Variants in GAN observed in about 807,000 individuals in gnomAD.
GAN encodes the protein gigaxonin.
Under a neutral mutation model 71.3 loss-of-function variants are expected in GAN, and 48 were observed. That is an observed-to-expected ratio of 0.67 (90% CI 0.53 to 0.86). GAN has a LOEUF of 0.86. GAN is among the 40% of genes least tolerant of loss of function. The pLI is 0.00. For missense variants in GAN, 928 were observed against 770.1 expected (o/e 1.21, Z -2.43); for synonymous variants, 386 against 276.8 (o/e 1.39, Z -3.92).
At position 81,358,038 on chromosome 16, in the gene GAN, C is replaced by G. The variant is rs577403513; in HGVS notation, c.973+107C>G. 8.2e-6 allele frequency: 8 copies of G among 974,676 alleles called. No homozygotes were observed. The Admixed American group carries it at 9.5e-5, about 12-fold the overall frequency. The allele number at this position is 974,676 out of a possible 1,614,324, so 60.4% of individuals were successfully genotyped here. On this transcript the variant is annotated intron_variant, in intron 5 of 10. Transcript: ENST00000648994. ...TTTTAAAGATACAATTTTATTATCT[C>G]TACATGACATTTTTAGTGTAGTTCT...
chr16:81,366,198 A>G (rs1037603392), intron 9 of GAN, among the ~76,000 whole-genome samples: 1 of 152,140 alleles, frequency 6.6e-6, no homozygotes, highest in Non-Finnish European at 1.5e-5. Context: ...CTGGGGTTGT[A>G]GCTGTTAACT....
In GAN at chr16:81,378,818, C is replaced by T. The variant is rs1038625754; in HGVS notation, c.*1222C>T. 6.6e-6 allele frequency: 1 copy of T among 152,606 alleles called. No individual in the cohort carries two copies. Among genetic ancestry groups the T allele is most frequent in the Non-Finnish European group, 1.5e-5 (1 of 68,030 alleles). 9.5% of individuals were successfully genotyped at this position (152,606 alleles called of 1,614,324 possible). ...CCTCCTTTCCTATCTCTCATTCTCACCTCAACCCACTTTACCCCACTTCTC... is the reference window on the plus strand; with the variant it reads ...CCTCCTTTCCTATCTCTCATTCTCATCTCAACCCACTTTACCCCACTTCTC... On this transcript the variant is annotated 3_prime_UTR_variant, in exon 11 of 11. Coordinates refer to ENST00000648994, the MANE Select transcript of GAN (RefSeq NM_022041.4).
chr16:81,360,213 T>C (rs1046190743), intron 5 of GAN, among the ~76,000 whole-genome samples: 104 of 152,352 alleles, frequency 6.8e-4, no homozygotes, highest in African/African-American at 2.4e-3. Flanking sequence ...CTCCCTTCTC[T>C]CTGAAGTTCA....
intron 1 of GAN, among the ~76,000 whole-genome samples, chr16:81,328,757 T>A (rs1909474210): frequency 6.6e-6 from 1 of 152,142 alleles, no homozygotes; most frequent in Admixed American, 6.5e-5. Flanking sequence ...TCTGTTAGAC[T>A]GGATTTTAAA....
At chr16:81,356,134 G>A (rs1910477462) in intron 3 of GAN, among the ~76,000 whole-genome samples, 1 of 152,208 alleles carries the variant, frequency 6.6e-6, no homozygotes, top group Admixed American at 6.5e-5. Flanking sequence ...CCTTTGGTCA[G>A]TTTAAACTTC....
intron 9 of GAN, among the ~76,000 whole-genome samples, chr16:81,368,113 C>T (rs780749525): frequency 2.5e-4 from 38 of 152,144 alleles, no homozygotes; most frequent in Non-Finnish European, 4.4e-4. Flanking sequence ...GGAAAAAAGC[C>T]ATATCTTATT....
chr16:81,331,938 G>C (rs932978613), intron 1 of GAN, among the ~76,000 whole-genome samples: 1 of 152,028 alleles, frequency 6.6e-6, no homozygotes, highest in Non-Finnish European at 1.5e-5. Flanking sequence ...CAAGGCGGGC[G>C]GATCACCTGA....
rs577351811 is a variant in GAN at position 81,379,152 on chromosome 16, A to G, written c.*1556A>G. 6.6e-6 allele frequency: 1 copy of G among 152,202 alleles called. No homozygotes were observed. Among genetic ancestry groups the G allele is most frequent in the African/African-American group, 2.4e-5 (1 of 41,450 alleles). 9.4% of individuals were successfully genotyped at this position (152,202 alleles called of 1,614,324 possible). On this transcript the variant is annotated 3_prime_UTR_variant, in exon 11 of 11. Transcript: ENST00000648994. ...TCGAGAACAGGAATTTCTTCTAGAA[A>G]CTTCCTGTATGGAACGTTTATATGC...
At chr16:81,335,833 C>T (rs756674159) in intron 1 of GAN, among the ~76,000 whole-genome samples, 7 of 150,768 alleles carry the variant, frequency 4.6e-5, no homozygotes, top group Non-Finnish European at 7.4e-5. Context: ...GAGTAAAAAC[C>T]GTAATCTAGG....
rs543130240 is a variant in GAN at position 81,377,055 on chromosome 16, C to T, written c.1503-164C>T. On this transcript the variant is annotated intron_variant, in intron 9 of 10. Transcript: ENST00000648994. ...GCACAGACAAAACTCCTATCTGTAG[C>T]GACTGGCAGCATGTCGGTGGTTACC... Among the ~76,000 whole-genome samples, 8 of 152,272 alleles carry T rather than the reference C, an allele frequency of 5.3e-5. No homozygotes were observed. The South Asian group carries it at 8.3e-4, about 16-fold the overall frequency.
At chr16:81,332,085 T>A (rs550027140) in intron 1 of GAN, among the ~76,000 whole-genome samples, 115 of 149,064 alleles carry the variant, frequency 7.7e-4, no homozygotes, top group African/African-American at 2.8e-3. Context: ...CGCTTGAACC[T>A]GGGAGGCAGA....
chr16:81,333,567 A>G (rs891365595), intron 1 of GAN, among the ~76,000 whole-genome samples: 2 of 152,236 alleles, frequency 1.3e-5, no homozygotes, highest in Non-Finnish European at 2.9e-5. Flanking sequence ...ATCATGAAAC[A>G]TAATGCTAGA....
intron 5 of GAN, among the ~76,000 whole-genome samples, chr16:81,358,806 C>G (rs1910575961): frequency 6.6e-6 from 1 of 152,176 alleles, no homozygotes. Flanking sequence ...TTGCTGGCTG[C>G]CTGTCTTTTC....
intron 1 of GAN, among the ~76,000 whole-genome samples, chr16:81,343,350 T>C (rs1910010140): frequency 6.6e-6 from 1 of 152,210 alleles, no homozygotes. Flanking sequence ...CTGATGAACA[T>C]TGATGTGAAA....
chr16:81,359,199 A>G (rs1910589206), intron 5 of GAN, among the ~76,000 whole-genome samples: 2 of 116,304 alleles, frequency 1.7e-5, no homozygotes, highest in South Asian at 5.1e-4. Flanking sequence ...GCTCCCTTAC[A>G]TTTCCCCCAA....
At chr16:81,318,525 TAGG>T (rs1909120478) in intron 1 of GAN, among the ~76,000 whole-genome samples, 2 of 152,110 alleles carry the variant, frequency 1.3e-5, no homozygotes, top group South Asian at 4.1e-4. Flanking sequence ...ATATAAAAAA[TAGG>T]AGCAGTATTG....
chr16:81,316,321 C>A, intron 1 of GAN, among the ~76,000 whole-genome samples: 1 of 147,442 alleles, frequency 6.8e-6, no homozygotes, highest in Non-Finnish European at 1.5e-5. Context: ...GTATTCTTAG[C>A]GCTTTGTCCC....
In GAN at chr16:81,354,611, C is replaced by A. The variant is rs754108287; in HGVS notation, c.489C>A (p.Asp163Glu). The part of the protein sequence containing the change: ...ATEYLETHFR[D>E]VSSTEEFLEL... ...AATACCTGGAGACTCATTTCCGAGA[C>A]GTCAGCAGCACGGAAGAATTCTTAG... is the stretch of plus-strand genomic sequence containing the variant. Residue 163 changes from aspartate (D) to glutamate (E), a missense_variant, in exon 3 of 11, where the codon GAC becomes GAA. Coordinates refer to ENST00000648994, the MANE Select transcript of GAN (RefSeq NM_022041.4). 5.0e-6 allele frequency: 8 copies of A among 1,613,736 alleles called. No homozygotes were observed. In the East Asian group the frequency reaches 1.8e-4, roughly 36 times the overall value.
At chr16:81,366,679 A>G (rs929102696) in intron 9 of GAN, among the ~76,000 whole-genome samples, 2 of 152,192 alleles carry the variant, frequency 1.3e-5, no homozygotes, top group African/African-American at 4.8e-5. Flanking sequence ...TTTCAATTAC[A>G]GGAATAGACT....
Sources: gnomAD v4.1 joint callset for allele counts (sites outside exome capture counted in the v4.1 genomes callset) on GRCh38, gnomAD v4.1.1 for gene constraint, MANE v1.5 for transcripts, NCBI Gene and HGNC (gene_info 2026-07-23, HGNC 2026-07-21) for gene names.